Variants in CFAP221 observed in about 807,000 individuals in gnomAD.
CFAP221 encodes the protein cilia and flagella associated protein 221, also known as cilia- and flagella-associated protein 221.
Under a neutral mutation model 113.1 loss-of-function variants are expected in CFAP221, and 97 were observed. That is an observed-to-expected ratio of 0.86 (90% CI 0.73 to 1.02). The LOEUF (loss-of-function observed/expected upper bound fraction) is 1.02, where lower values mean the gene tolerates loss of function less well. CFAP221 is among the 50% of genes least tolerant of loss of function. The probability of loss-of-function intolerance (pLI) is 0.00; values close to 1 mark genes in which losing one functional copy is unlikely to be tolerated. For missense variants in CFAP221, 1,025 were observed against 1,013.4 expected (o/e 1.01, Z -0.16); for synonymous variants, 331 against 354.4 (o/e 0.93, Z 0.74).
intron 7 of CFAP221, among the ~76,000 whole-genome samples, chr2:119,590,887 T>C (rs1416753608): frequency 1.3e-5 from 2 of 152,060 alleles, no homozygotes; most frequent in Non-Finnish European, 2.9e-5. Flanking sequence ...CTGTGCGGGG[T>C]ACAGATCAGG....
At chr2:119,595,446 TA>T (rs1395318867) in intron 7 of CFAP221, among the ~76,000 whole-genome samples, 2 of 152,178 alleles carry the variant, frequency 1.3e-5, no homozygotes, top group Non-Finnish European at 2.9e-5. Context: ...TTCTTTTCCT[TA>T]TTGTTTTGTG....
intron 8 of CFAP221, among the ~76,000 whole-genome samples, chr2:119,604,279 CA>C (rs1415792461): frequency 2.6e-5 from 4 of 152,108 alleles, no homozygotes; most frequent in Non-Finnish European, 4.4e-5. Flanking sequence ...ACTAAAAATA[CA>C]AAAATTAGCT....
At chr2:119,616,006 C>T (rs1003234987) in intron 14 of CFAP221, among the ~76,000 whole-genome samples, 16 of 152,324 alleles carry the variant, frequency 1.1e-4, no homozygotes, top group African/African-American at 2.6e-4. Context: ...TCTGTCTCTA[C>T]GGATTTGCCT....
intron 7 of CFAP221, chr2:119,590,327 C>G (rs1305059125): frequency 6.6e-6 from 1 of 152,144 alleles, no homozygotes; most frequent in Non-Finnish European, 1.5e-5. Flanking sequence ...AAACCCAGAA[C>G]CTCTGCCCTT....
chr2:119,608,663 A>G, intron 12 of CFAP221, 74 bp downstream of exon 12: 1 of 1,277,260 alleles, frequency 7.8e-7, no homozygotes, highest in Non-Finnish European at 1.1e-6. Context: ...GCAAGATGCC[A>G]GGTGGAGGAA....
At chr2:119,616,499 T>C (rs1260812674) in intron 14 of CFAP221, among the ~76,000 whole-genome samples, 1 of 152,144 alleles carries the variant, frequency 6.6e-6, no homozygotes, top group Non-Finnish European at 1.5e-5. Context: ...AGAGTTGCCA[T>C]CTCCCTTCTG....
At chr2:119,659,986 C>T (rs1255454887), downstream of CFAP221, among the ~76,000 whole-genome samples, 1 of 152,246 alleles carries the variant, frequency 6.6e-6, no homozygotes, top group African/African-American at 2.4e-5. Context: ...GCTACTGAAT[C>T]CCTGGCTACT....
rs540188305 is a variant in CFAP221 at position 119,635,673 on chromosome 2, A to C, written c.1975-2586A>C. ...ACTATGTAATTTAAATGTGTCATTT[A>C]TTATACATCAACTATACATCAGTAC... On this transcript the variant is annotated intron_variant, in intron 19 of 23. Coordinates refer to ENST00000413369, the MANE Select transcript of CFAP221 (RefSeq NM_001271049.2). 3.3e-5 allele frequency among the ~76,000 whole-genome samples: 5 copies of C among 152,362 alleles called. No homozygotes were observed. In the East Asian group the frequency reaches 9.6e-4, roughly 29 times the overall value.
At chr2:119,647,192 A>G (rs1405832821) in intron 22 of CFAP221, 142 bp downstream of exon 22, 1 of 574,060 alleles carries the variant, frequency 1.7e-6, no homozygotes, top group Non-Finnish European at 3.0e-6. Context: ...ACCCATCCAT[A>G]CCATCACCTA....
intron 7 of CFAP221, among the ~76,000 whole-genome samples, chr2:119,595,160 C>G (rs1409632587): frequency 6.6e-6 from 1 of 152,250 alleles, no homozygotes; most frequent in Non-Finnish European, 1.5e-5. Flanking sequence ...TCAGCCCCCT[C>G]CCCTGCTGGT....
rs1047385844 is a variant in CFAP221, at chr2:119,647,040, A to G, written c.2308A>G (p.Thr770Ala). 1 of 1,583,038 alleles carries G rather than the reference A, an allele frequency of 6.3e-7. No individual in the cohort carries two copies. Among genetic ancestry groups the G allele is most frequent in the Admixed American group, 1.8e-5 (1 of 54,778 alleles). The change falls in exon 22 of 24, where the codon ACA becomes GCA. Residue 770 changes from threonine (T) to alanine (A), a missense_variant. Coordinates refer to ENST00000413369, the MANE Select transcript of CFAP221 (RefSeq NM_001271049.2). ...DALPEEDRLE[T>A]VERELCEQNV... The stretch of plus-strand genomic sequence containing the variant: ...CTTACCAGAAGAGGACAGACTAGAA[A>G]CAGTAGAACGGTATTTTTTTTTTTT...
Position 119,591,567 on chromosome 2 carries a change from C to T in CFAP221, c.631+4345C>T, listed in dbSNP as rs980822888. 4.6e-5 allele frequency among the ~76,000 whole-genome samples: 7 copies of T among 152,390 alleles called. No individual in the cohort carries two copies. The East Asian group carries it at 9.6e-4, about 21-fold the overall frequency. On this transcript the variant is annotated intron_variant, in intron 7 of 23. Coordinates refer to ENST00000413369, the MANE Select transcript of CFAP221 (RefSeq NM_001271049.2). ...CACCATCTCATTGAATTCTATAACC[C>T]TGTCCAAGAGGACCATTTGATGGGC...
At chr2:119,616,866 T>C (rs1685566236) in intron 14 of CFAP221, among the ~76,000 whole-genome samples, 1 of 152,228 alleles carries the variant, frequency 6.6e-6, no homozygotes, top group South Asian at 2.1e-4. Context: ...ATGTGCTTCT[T>C]GTGCTGCCTG....
chr2:119,641,631 GA>G (rs1035097813), intron 21 of CFAP221, among the ~76,000 whole-genome samples: 1 of 152,184 alleles, frequency 6.6e-6, no homozygotes, highest in Admixed American at 6.5e-5. Context: ...TGTGTGTGAG[GA>G]TAAAAGTGCA....
chr2:119,631,024 T>G, intron 19 of CFAP221, 123 bp downstream of exon 19: 1 of 1,461,592 alleles, frequency 6.8e-7, no homozygotes. Flanking sequence ...TTAAACAATA[T>G]CTGACCTTTA....
At chr2:119,624,200 A>T (rs1250314519) in intron 14 of CFAP221, among the ~76,000 whole-genome samples, 1 of 152,100 alleles carries the variant, frequency 6.6e-6, no homozygotes, top group African/African-American at 2.4e-5. Context: ...CCATCAAAAA[A>T]TGGGTGAAGT....
intron 21 of CFAP221, 97 bp from the exon 22 acceptor site, chr2:119,646,861 G>T: frequency 9.1e-7 from 1 of 1,096,392 alleles, no homozygotes. Context: ...TAGAGGCCTC[G>T]CCAGCAGTAA....
chr2:119,645,011 C>T, intron 21 of CFAP221, among the ~76,000 whole-genome samples: 1 of 147,950 alleles, frequency 6.8e-6, no homozygotes, highest in East Asian at 2.0e-4. Context: ...CCACCCCCTC[C>T]CACCCAAGTC....
At chr2:119,591,436 A>G (rs1351742591) in intron 7 of CFAP221, among the ~76,000 whole-genome samples, 2 of 152,190 alleles carry the variant, frequency 1.3e-5, no homozygotes, top group Non-Finnish European at 2.9e-5. Flanking sequence ...TATACCCTTG[A>G]TGGGTGGCAG....
Sources: gnomAD v4.1 joint callset for allele counts (sites outside exome capture counted in the v4.1 genomes callset) on GRCh38, gnomAD v4.1.1 for gene constraint, MANE v1.5 for transcripts, NCBI Gene and HGNC (gene_info 2026-07-23, HGNC 2026-07-21) for gene names.